FAM135B: variants seen among roughly 807,000 people sequenced by gnomAD.
The protein encoded by FAM135B is family with sequence similarity 135 member B, also known as protein FAM135B.
A neutral mutation model predicts 127.7 loss-of-function variants in FAM135B; 43 were observed. The observed-to-expected ratio is 0.34, with a 90% CI of 0.26 to 0.43. The LOEUF (loss-of-function observed/expected upper bound fraction) is 0.43. FAM135B is among the 20% of genes least tolerant of loss of function. The pLI is 1.00. For missense variants in FAM135B, 1,558 were observed against 1,725.6 expected (o/e 0.90, Z 1.72); for synonymous variants, 670 against 665.1 (o/e 1.01, Z -0.11).
intron 15 of FAM135B, chr8:138,144,325 C>T (rs1286127678): frequency 2.0e-5 from 3 of 152,206 alleles, no homozygotes; most frequent in East Asian, 1.9e-4. Context: ...GCAGGAGAAT[C>T]GCCTGAACCC....
chr8:138,398,567 C>A (rs541501067), intron 1 of FAM135B, among the ~76,000 whole-genome samples: 2 of 152,256 alleles, frequency 1.3e-5, no homozygotes, highest in South Asian at 4.1e-4. Context: ...AACCTGTAGA[C>A]CCAACCCCTG....
At chr8:138,443,755 T>A (rs185079536) in intron 1 of FAM135B, among the ~76,000 whole-genome samples, 1 of 151,932 alleles carries the variant, frequency 6.6e-6, no homozygotes, top group Non-Finnish European at 1.5e-5. Context: ...ACGCAGGTTA[T>A]ATGCCAGCTA....
rs1268721681 is a variant in FAM135B at position 138,265,721 on chromosome 8, T to C, written c.279A>G (p.Leu93=). The change falls in exon 4 of 20, where the codon TTA becomes TTG. Residue 93 remains leucine, a synonymous_variant. Transcript: ENST00000395297. ...INDAVVFRVH[L]LLGGERMEDA... ...GACTTACCCTTTCACCACCCAAGAG[T>C]AAATGAACTCGGAAGACCACAGCAT... 1 of 1,613,764 alleles carries C rather than the reference T, an allele frequency of 6.2e-7. No homozygotes were observed. Among genetic ancestry groups the C allele is most frequent in the Non-Finnish European group, 8.5e-7 (1 of 1,179,982 alleles).
At chr8:138,161,559 A>C (rs756707527) in intron 12 of FAM135B, among the ~76,000 whole-genome samples, 4 of 152,222 alleles carry the variant, frequency 2.6e-5, no homozygotes, top group Non-Finnish European at 5.9e-5. Flanking sequence ...TGGTCTTAGC[A>C]GAAGTTAAAT....
Position 138,130,798 on chromosome 8 carries a change from G to A in FAM135B, c.*1795C>T, listed in dbSNP as rs940116807. ...ACAGCACTCCTCATGAAGAACCAGA[G>A]TCTATGCCCAGCTCTGACTCGGGAG... On this transcript the variant is annotated 3_prime_UTR_variant, in exon 20 of 20. Coordinates refer to ENST00000395297, the MANE Select transcript of FAM135B (RefSeq NM_015912.4). 6.6e-6 allele frequency: 1 copy of A among 152,204 alleles called. No homozygotes were observed. The highest frequency in any genetic ancestry group is 2.4e-5 in the African/African-American group (1 of 41,446). The allele number at this position is 152,204 out of a possible 1,614,324, so 9.4% of individuals were successfully genotyped here.
At chr8:138,200,993 C>T (rs950500390) in intron 7 of FAM135B, among the ~76,000 whole-genome samples, 49 of 152,182 alleles carry the variant, frequency 3.2e-4, no homozygotes, top group Non-Finnish European at 3.5e-4. Flanking sequence ...GCATGCCACA[C>T]CTGCCTCTGA....
chr8:138,398,448 G>A (rs1832965753), intron 1 of FAM135B, among the ~76,000 whole-genome samples: 2 of 152,146 alleles, frequency 1.3e-5, no homozygotes, highest in African/African-American at 4.8e-5. Context: ...ACCCCTGCAG[G>A]CCTCGGGGAA....
intron 5 of FAM135B, among the ~76,000 whole-genome samples, chr8:138,251,374 T>A (rs1014790923): frequency 6.6e-6 from 1 of 152,158 alleles, no homozygotes; most frequent in South Asian, 2.1e-4. Context: ...CCCCAACAGA[T>A]GCCCAGATGT....
At position 138,152,218 on chromosome 8, in the gene FAM135B, A is replaced by G. The variant is rs200153666; in HGVS notation, c.2257T>C (p.Leu753=). The part of the protein sequence containing the change: ...IQASLTSISS[L]PFEEDEREVA... ...TCCCGCTCATCCTCCTCAAAAGGTA[A>G]AGAGCTAATGGAGGTGAGAGAAGCC... Residue 753 remains leucine, a synonymous_variant, in exon 13 of 20, where the codon TTA becomes CTA. Transcript: ENST00000395297. 99 of 1,614,140 alleles carry G rather than the reference A, an allele frequency of 6.1e-5. No individual in the cohort carries two copies. In the East Asian group the frequency reaches 2.2e-3, roughly 36 times the overall value.
intron 18 of FAM135B, 109 bp from the exon 19 acceptor site, chr8:138,137,369 T>C (rs1046097076): frequency 1.4e-5 from 10 of 703,576 alleles, no homozygotes; most frequent in Non-Finnish European, 2.6e-5. Flanking sequence ...GAAAAAATGT[T>C]GACACACCAC....
intron 1 of FAM135B, chr8:138,438,089 G>C (rs534961176): frequency 1.3e-5 from 2 of 152,214 alleles, no homozygotes; most frequent in East Asian, 3.9e-4. Flanking sequence ...TGGGAAACCT[G>C]CTCATTTTAA....
intron 6 of FAM135B, among the ~76,000 whole-genome samples, chr8:138,250,553 G>A (rs974705656): frequency 6.6e-6 from 1 of 152,152 alleles, no homozygotes; most frequent in Admixed American, 6.5e-5. Flanking sequence ...AACATTAGAT[G>A]ACTTCTCAAA....
chr8:138,179,677 C>T (rs1814823941), intron 9 of FAM135B, among the ~76,000 whole-genome samples: 2 of 152,196 alleles, frequency 1.3e-5, no homozygotes, highest in South Asian at 4.1e-4. Context: ...CCATCCTCCT[C>T]ACACTACTCC....
At chr8:138,168,327 A>G (rs1820132604) in intron 11 of FAM135B, among the ~76,000 whole-genome samples, 1 of 152,196 alleles carries the variant, frequency 6.6e-6, no homozygotes, top group Non-Finnish European at 1.5e-5. Context: ...GGAATATAAT[A>G]AATACCACAT....
Position 138,182,583 on chromosome 8 carries a change from A to G in FAM135B, c.874-3893T>C, listed in dbSNP as rs191893231. 4.0e-4 allele frequency among the ~76,000 whole-genome samples: 61 copies of G among 152,350 alleles called. 2 individuals are homozygous for G. The East Asian group carries it at 0.01, about 25-fold the overall frequency. On this transcript the variant is annotated intron_variant, in intron 9 of 19. Transcript: ENST00000395297. ...ACATAAATGCATACAGTCCAGGAAG[A>G]GGTGTATGATCGTGTTATAGCTATT...
rs140147272 is a variant in FAM135B at position 138,191,953 on chromosome 8, C to T, written c.873+3305G>A. ...CCCTGCACCGATGCTGCCTCCTGGG[C>T]TTGCATCACACTGGGGAGGGCTCAG... On this transcript the variant is annotated intron_variant, in intron 9 of 19. Transcript: ENST00000395297. Among the ~76,000 whole-genome samples, 2 of 152,334 alleles carry T rather than the reference C, an allele frequency of 1.3e-5. 1 individual carries two copies. The highest frequency in any genetic ancestry group is 2.9e-5 in the Non-Finnish European group (2 of 68,036).
intron 1 of FAM135B, among the ~76,000 whole-genome samples, chr8:138,431,573 AC>A (rs1294119257): frequency 6.6e-6 from 1 of 152,252 alleles, no homozygotes; most frequent in African/African-American, 2.4e-5. Context: ...ATCTTCAAGT[AC>A]TTCCAACAGA....
intron 4 of FAM135B, among the ~76,000 whole-genome samples, chr8:138,259,150 T>C (rs1246534982): frequency 6.6e-6 from 1 of 152,164 alleles, no homozygotes; most frequent in Non-Finnish European, 1.5e-5. Flanking sequence ...TCCCAAATGC[T>C]GTCAAGGGCT....
At chr8:138,300,400 T>C (rs11166803) in intron 3 of FAM135B, among the ~76,000 whole-genome samples, 151,510 of 152,296 alleles carry the variant, frequency 0.99, 75,370 homozygotes, top group Middle Eastern at 1. Context: ...GCCTAACAGC[T>C]TCCCTAGCTC....
Sources: allele counts gnomAD v4.1 joint callset (sites outside exome capture counted in the v4.1 genomes callset), GRCh38; gene constraint gnomAD v4.1.1; transcripts MANE v1.5; gene names NCBI Gene and HGNC (gene_info 2026-07-23, HGNC 2026-07-21).